SNX29: variants seen among roughly 807,000 people sequenced by gnomAD.
The protein encoded by SNX29 is sorting nexin 29.
In SNX29, 78 loss-of-function variants were observed where a neutral mutation model predicts 102.1. That is an observed-to-expected ratio of 0.76 (90% CI 0.64 to 0.92). SNX29 has a LOEUF of 0.92. Among genes scored for constraint, SNX29 ranks in the 40% least tolerant of loss-of-function variants. The probability of loss-of-function intolerance (pLI) is 0.00; values close to 1 mark genes in which losing one functional copy is unlikely to be tolerated. For synonymous variants in SNX29, 580 were observed against 414.5 expected (o/e 1.40, Z -4.85); for missense variants, 1,280 against 1,061.7 (o/e 1.21, Z -2.86).
chr16:12,415,087 C>G (rs2084571604), intron 18 of SNX29, among the ~76,000 whole-genome samples: 3 of 152,324 alleles, frequency 2.0e-5, no homozygotes, highest in Middle Eastern at 3.4e-3. Flanking sequence ...ATGGCAGGCC[C>G]CAGAACAAGA....
intron 19 of SNX29, among the ~76,000 whole-genome samples, chr16:12,515,033 C>T (rs1361019825): frequency 6.6e-6 from 1 of 152,098 alleles, no homozygotes; most frequent in Non-Finnish European, 1.5e-5. Flanking sequence ...CAGTGCCTGG[C>T]AGAGAAAGCA....
chr16:12,183,704 C>T (rs2141851594), intron 13 of SNX29, among the ~76,000 whole-genome samples: 1 of 152,336 alleles, frequency 6.6e-6, no homozygotes, highest in South Asian at 2.1e-4. Flanking sequence ...AACTACTAGG[C>T]TGCATTCCCA....
At chr16:12,550,494 C>T (rs1277692464) in intron 20 of SNX29, among the ~76,000 whole-genome samples, 6 of 142,034 alleles carry the variant, frequency 4.2e-5, no homozygotes, top group Non-Finnish European at 9.1e-5. Context: ...GACATTGTGT[C>T]ATTACATTCC....
chr16:12,494,863 A>G (rs1002938622), intron 19 of SNX29, among the ~76,000 whole-genome samples: 1 of 152,204 alleles, frequency 6.6e-6, no homozygotes, highest in Non-Finnish European at 1.5e-5. Flanking sequence ...CGCAGAAAAT[A>G]AACTAGCCCT....
chr16:12,424,495 A>G (rs1435245579), intron 18 of SNX29, among the ~76,000 whole-genome samples: 3 of 152,160 alleles, frequency 2.0e-5, no homozygotes, highest in Non-Finnish European at 2.9e-5. Flanking sequence ...ATGGTAAGCA[A>G]CCTGCTTTGA....
chr16:12,485,088 T>G (rs994599118), intron 19 of SNX29, among the ~76,000 whole-genome samples: 1 of 152,234 alleles, frequency 6.6e-6, no homozygotes, highest in Admixed American at 6.5e-5. Flanking sequence ...TCAAAAAATC[T>G]CAATTCCAAA....
intron 1 of SNX29, among the ~76,000 whole-genome samples, chr16:11,983,282 A>G (rs448737): frequency 0.88 from 125,935 of 143,416 alleles, 55,464 homozygotes; most frequent in South Asian, 0.96. Flanking sequence ...TTACTACGTT[A>G]CCCAGGTTTA....
chr16:12,174,031 C>T (rs1029625560), intron 13 of SNX29, among the ~76,000 whole-genome samples: 2 of 152,228 alleles, frequency 1.3e-5, no homozygotes. Context: ...CCCCCCCAAC[C>T]TTGGCCTCCC....
intron 18 of SNX29, among the ~76,000 whole-genome samples, chr16:12,441,387 C>T (rs1304165340): frequency 6.6e-6 from 1 of 151,954 alleles, no homozygotes; most frequent in Non-Finnish European, 1.5e-5. Flanking sequence ...CACGCCTGGC[C>T]TACTTCATTC....
intron 3 of SNX29, among the ~76,000 whole-genome samples, chr16:12,007,791 C>G (rs911101217): frequency 4.6e-5 from 7 of 152,216 alleles, no homozygotes; most frequent in African/African-American, 1.7e-4. Flanking sequence ...CAGATTCCCT[C>G]ACCTCATGCT....
chr16:12,529,974 C>T (rs1007089547), intron 20 of SNX29, among the ~76,000 whole-genome samples: 4 of 152,196 alleles, frequency 2.6e-5, no homozygotes, highest in Non-Finnish European at 5.9e-5. Flanking sequence ...TGCAAGAGAT[C>T]TCAAAGCTGC....
chr16:12,425,594 G>C (rs1315179976), intron 18 of SNX29, among the ~76,000 whole-genome samples: 1 of 149,802 alleles, frequency 6.7e-6, no homozygotes, highest in African/African-American at 2.5e-5. Flanking sequence ...GTGGGAAGTA[G>C]AGAAGAGGCA....
chr16:12,521,111 C>T (rs945913616), intron 19 of SNX29, among the ~76,000 whole-genome samples: 4 of 152,018 alleles, frequency 2.6e-5, no homozygotes, highest in African/African-American at 4.8e-5. Flanking sequence ...ACCTGGGAGG[C>T]GGAGGTTGCA....
chr16:12,401,845 C>A lies in SNX29; in HGVS notation c.1956-1603C>A, dbSNP rs925613511. On this transcript the variant is annotated intron_variant, in intron 17 of 20. Transcript: ENST00000566228. ...AAAGGATGAACAAATGAACTAACAT[C>A]TAGGAGGGAGATGGGTCACTTAAAC... 5.9e-5 allele frequency among the ~76,000 whole-genome samples: 9 copies of A among 152,178 alleles called. No individual in the cohort carries two copies. In the East Asian group the frequency reaches 1.5e-3, roughly 26 times the overall value.
chr16:12,012,735 G>A (rs968548720), intron 3 of SNX29, among the ~76,000 whole-genome samples: 1 of 152,022 alleles, frequency 6.6e-6, no homozygotes, highest in African/African-American at 2.4e-5. Flanking sequence ...TTAGGCCATT[G>A]TGTACCATTT....
At chr16:12,234,551 C>T (rs113494780) in intron 14 of SNX29, among the ~76,000 whole-genome samples, 3 of 151,882 alleles carry the variant, frequency 2.0e-5, no homozygotes, top group African/African-American at 7.3e-5. Context: ...TGAGGCATAC[C>T]TGTTTTTAAT....
At chr16:12,076,071 C>T (rs1000406985) in intron 10 of SNX29, among the ~76,000 whole-genome samples, 2 of 152,208 alleles carry the variant, frequency 1.3e-5, no homozygotes, top group African/African-American at 2.4e-5. Context: ...CCGTCTGTCA[C>T]CCCTTTCCTT....
intron 20 of SNX29, among the ~76,000 whole-genome samples, chr16:12,551,466 A>C (rs899155774): frequency 1.3e-5 from 2 of 152,188 alleles, no homozygotes; most frequent in Admixed American, 6.5e-5. Flanking sequence ...TACAGAGGCC[A>C]GGCCCTGCCT....
chr16:12,470,638 C>G (rs541408999), intron 18 of SNX29, among the ~76,000 whole-genome samples: 2 of 152,264 alleles, frequency 1.3e-5, no homozygotes, highest in African/African-American at 4.8e-5. Context: ...GTTGAGTTTT[C>G]TGAAAGCGGA....
Sources: allele counts gnomAD v4.1 joint callset (sites outside exome capture counted in the v4.1 genomes callset), GRCh38; gene constraint gnomAD v4.1.1; transcripts MANE v1.5; gene names NCBI Gene and HGNC (gene_info 2026-07-23, HGNC 2026-07-21).